Variants in ZNF717 observed in about 807,000 individuals in gnomAD.
ZNF717 encodes the protein krueppel-like factor X17.
Under a neutral mutation model 13.8 loss-of-function variants are expected in ZNF717, and 9 were observed. The observed-to-expected ratio is 0.65, with a 90% confidence interval of 0.39 to 1.14. The LOEUF is 1.14. Among genes scored for constraint, ZNF717 ranks in the 50% most tolerant of loss-of-function variants. ZNF717 has a pLI of 0.01. For synonymous variants in ZNF717, 327 were observed against 364.1 expected, an observed-to-expected ratio of 0.90 and a Z score of 1.16; for missense variants, 1,040 against 1,080.7, an observed-to-expected ratio of 0.96 and a Z score of 0.53.
At chr3:75,715,966 GT>G (rs1406874455) in intron 5 of ZNF717, among the ~76,000 whole-genome samples, 8 of 136,412 alleles carry the variant, frequency 5.9e-5, no homozygotes, top group Admixed American at 1.5e-4. Flanking sequence ...GTTTTTTTTG[GT>G]TTGTTTTTTT....
chr3:75,761,474 G>A (rs890133272), intron 2 of ZNF717, among the ~76,000 whole-genome samples: 21 of 152,236 alleles, frequency 1.4e-4, no homozygotes, highest in African/African-American at 4.8e-4. Flanking sequence ...GAACAAGATA[G>A]CAACATCTCC....
intron 2 of ZNF717, among the ~76,000 whole-genome samples, chr3:75,771,733 A>C (rs535927086): frequency 6.6e-6 from 1 of 152,350 alleles, no homozygotes; most frequent in South Asian, 2.1e-4. Flanking sequence ...GCCCCTTCTA[A>C]ATTGGCAGGC....
chr3:75,739,596 GAATT>G (rs1940080496), intron 4 of ZNF717, among the ~76,000 whole-genome samples: 1 of 152,062 alleles, frequency 6.6e-6, no homozygotes, highest in Non-Finnish European at 1.5e-5. Context: ...ATTTCACAAA[GAATT>G]ATTTGGTAAT....
intron 6 of ZNF717, among the ~76,000 whole-genome samples, chr3:75,696,009 A>C (rs1937598977): frequency 6.6e-6 from 1 of 152,272 alleles, no homozygotes; most frequent in Non-Finnish European, 1.5e-5. Context: ...AAAACAATGC[A>C]AAAGACTAAT....
At chr3:75,779,743 G>A (rs1325133140) in intron 2 of ZNF717, among the ~76,000 whole-genome samples, 1 of 147,394 alleles carries the variant, frequency 6.8e-6, no homozygotes, top group Non-Finnish European at 1.5e-5. Flanking sequence ...AACCATGGGA[G>A]TGTCGTGCTA....
At chr3:75,771,687 C>G (rs62268131) in intron 2 of ZNF717, among the ~76,000 whole-genome samples, 20,215 of 149,736 alleles carry the variant, frequency 0.14, 605 homozygotes, top group African/African-American at 0.14. Flanking sequence ...GTGCGCTCCT[C>G]GAAGCTGGTG....
chr3:75,775,642 G>A (rs868276533), intron 2 of ZNF717, among the ~76,000 whole-genome samples: 126 of 152,186 alleles, frequency 8.3e-4, no homozygotes, highest in African/African-American at 2.7e-3. Flanking sequence ...ATCACTTCAG[G>A]TCAGGAGTTT....
chr3:75,750,369 T>C (rs1479004400), intron 2 of ZNF717, among the ~76,000 whole-genome samples: 1 of 150,088 alleles, frequency 6.7e-6, no homozygotes, highest in Non-Finnish European at 1.5e-5. Flanking sequence ...GTCCCTCACA[T>C]AGGATTCCAG....
chr3:75,764,586 A>G (rs1295079579), intron 2 of ZNF717, among the ~76,000 whole-genome samples: 4 of 152,260 alleles, frequency 2.6e-5, no homozygotes, highest in Non-Finnish European at 5.9e-5. Context: ...ACAACAAAAT[A>G]AAGTGATTAA....
At chr3:75,731,572 G>A (rs76063732), downstream of ZNF717, among the ~76,000 whole-genome samples, 101 of 140,538 alleles carry the variant, frequency 7.2e-4, no homozygotes, top group Non-Finnish European at 9.5e-4. Context: ...AAAAAAGGAA[G>A]AAAAAAAAAA....
intron 2 of ZNF717, among the ~76,000 whole-genome samples, chr3:75,748,732 A>G (rs1404428555): frequency 6.6e-6 from 1 of 152,208 alleles, no homozygotes; most frequent in Non-Finnish European, 1.5e-5. Flanking sequence ...CACAGCCAAT[A>G]TCATACTGAA....
chr3:75,727,656 T>C (rs1239155454), downstream of ZNF717, among the ~76,000 whole-genome samples: 2 of 152,228 alleles, frequency 1.3e-5, no homozygotes, highest in African/African-American at 4.8e-5. Context: ...GTCAGACTGG[T>C]TCTCTGCTCT....
At chr3:75,772,030 A>T (rs1208875354) in intron 2 of ZNF717, among the ~76,000 whole-genome samples, 1 of 152,256 alleles carries the variant, frequency 6.6e-6, no homozygotes, top group African/African-American at 2.4e-5. Context: ...TTGGGCACTG[A>T]CGAGCACAGG....
chr3:75,713,869 G>A (rs1288159312), intron 5 of ZNF717, among the ~76,000 whole-genome samples: 2 of 152,094 alleles, frequency 1.3e-5, no homozygotes, highest in Non-Finnish European at 2.9e-5. Context: ...AAGGGGGCAG[G>A]GTAAGGAGTG....
chr3:75,697,438 C>T (rs1426280443), intron 6 of ZNF717, among the ~76,000 whole-genome samples: 1 of 152,302 alleles, frequency 6.6e-6, no homozygotes, highest in African/African-American at 2.4e-5. Flanking sequence ...TTGGTACTAT[C>T]CTCATAATAG....
intron 6 of ZNF717, among the ~76,000 whole-genome samples, chr3:75,701,229 G>C (rs1442564323): frequency 6.6e-6 from 1 of 152,308 alleles, no homozygotes; most frequent in Non-Finnish European, 1.5e-5. Flanking sequence ...GGTTTTATAA[G>C]GGACTCTTCC....
intron 5 of ZNF717, among the ~76,000 whole-genome samples, chr3:75,714,444 G>T (rs1009035108): frequency 6.6e-6 from 1 of 151,988 alleles, no homozygotes; most frequent in Non-Finnish European, 1.5e-5. Flanking sequence ...TATGATTACA[G>T]AGTGAGGATT....
At chr3:75,728,824 TAC>T (rs1198013751), downstream of ZNF717, among the ~76,000 whole-genome samples, 4 of 152,164 alleles carry the variant, frequency 2.6e-5, no homozygotes, top group Non-Finnish European at 5.9e-5. Flanking sequence ...AACAGACTGA[TAC>T]AGTCATTCAT....
intron 4 of ZNF717, among the ~76,000 whole-genome samples, chr3:75,739,565 G>C (rs1940071234): frequency 6.6e-6 from 1 of 152,042 alleles, no homozygotes; most frequent in Non-Finnish European, 1.5e-5. Context: ...TTTGCATTTT[G>C]AAGTTTTCCT....
Sources: gnomAD v4.1 joint callset for allele counts (sites outside exome capture counted in the v4.1 genomes callset) on GRCh38, gnomAD v4.1.1 for gene constraint, MANE v1.5 for transcripts, NCBI Gene and HGNC (gene_info 2026-07-23, HGNC 2026-07-21) for gene names.